GLIS3: variants seen among roughly 807,000 people sequenced by gnomAD.
The protein encoded by GLIS3 is GLIS family zinc finger 3, also known as zinc finger protein GLIS3.
In GLIS3, 53 loss-of-function variants were observed where a neutral mutation model predicts 78.6. That is an observed-to-expected ratio of 0.67 (90% CI 0.54 to 0.85). The LOEUF is 0.85. Ranked by LOEUF, GLIS3 falls within the 40% of genes least tolerant of loss-of-function variation. The pLI is 0.00. For missense variants in GLIS3, 1,703 were observed against 1,231.1 expected (o/e 1.38, Z -5.74); for synonymous variants, 684 against 509.9 (o/e 1.34, Z -4.60).
intron 2 of GLIS3, among the ~76,000 whole-genome samples, chr9:4,314,370 C>T (rs1229078362): frequency 6.6e-6 from 1 of 152,154 alleles, no homozygotes; most frequent in African/African-American, 2.4e-5. Flanking sequence ...TCTCTGTTTC[C>T]TCAGTGTCCT....
chr9:4,470,099 G>C, the GLIS3 span, among the ~76,000 whole-genome samples: 15 of 152,158 alleles, frequency 9.9e-5, no homozygotes, highest in African/African-American at 3.4e-4. Context: ...CTCTGAAATT[G>C]AGGCAATAAT....
In GLIS3 at chr9:4,061,314, T is replaced by C. The variant is rs564945674; in HGVS notation, c.1710+56454A>G. ...CCCACCTATGAGTGAGAACATGCGGTGTTTGGTTTTTTGTCCTTGCCAGAG... is the reference window on the plus strand; with the variant it reads ...CCCACCTATGAGTGAGAACATGCGGCGTTTGGTTTTTTGTCCTTGCCAGAG... On this transcript the variant is annotated intron_variant, in intron 4 of 10. Coordinates refer to ENST00000381971, the MANE Select transcript of GLIS3 (RefSeq NM_001042413.2). Among the ~76,000 whole-genome samples, 5 of 147,802 alleles carry C rather than the reference T, an allele frequency of 3.4e-5. No individual in the cohort carries two copies. The South Asian group carries it at 1.1e-3, about 32-fold the overall frequency.
chr9:4,188,396 GC>G (rs959979250), intron 2 of GLIS3, among the ~76,000 whole-genome samples: 120 of 149,198 alleles, frequency 8.0e-4, no homozygotes, highest in African/African-American at 2.1e-3. Flanking sequence ...GATTTGGTTT[GC>G]CAGTATTTTA....
intron 4 of GLIS3, among the ~76,000 whole-genome samples, chr9:4,085,418 T>A (rs10739030): frequency 0.39 from 59,733 of 151,940 alleles, 12,157 homozygotes; most frequent in Non-Finnish European, 0.45. Context: ...TCTCCTTCTG[T>A]AGTATCTCTC....
At chr9:4,072,130 T>C (rs1160122230) in intron 4 of GLIS3, among the ~76,000 whole-genome samples, 2 of 152,192 alleles carry the variant, frequency 1.3e-5, no homozygotes, top group Non-Finnish European at 2.9e-5. Context: ...CAACCCTTTA[T>C]CCTTTACTTC....
chr9:4,085,117 C>G (rs1446579712), intron 4 of GLIS3, among the ~76,000 whole-genome samples: 3 of 152,036 alleles, frequency 2.0e-5, no homozygotes, highest in Non-Finnish European at 4.4e-5. Context: ...ATAAAAAGCT[C>G]TCTCTCAATC....
At chr9:4,484,859 T>C in the GLIS3 span, among the ~76,000 whole-genome samples, 2 of 152,192 alleles carry the variant, frequency 1.3e-5, no homozygotes, top group Non-Finnish European at 2.9e-5. Context: ...ATTAGGATTA[T>C]GAAGGGAGCC....
rs1831973659 is a variant in GLIS3, at chr9:4,118,936, A to G, written c.597-55T>C. 1 of 1,557,832 alleles carries G rather than the reference A, an allele frequency of 6.4e-7. No homozygotes were observed. Among genetic ancestry groups the G allele is most frequent in the African/African-American group, 1.4e-5 (1 of 73,924 alleles). ...AAAAAGATAAACATTTTAGCAGGAT[A>G]CGGATTGCTTAAGAGCTAAAAGAAC... is the stretch of plus-strand genomic sequence containing the variant. On this transcript the variant is annotated intron_variant, in intron 3 of 10. Transcript: ENST00000381971. The surrounding 1 kb of genome is among the most constrained non-coding windows in gnomAD (Gnocchi z 4.7).
rs753113229 is a variant in GLIS3 at position 4,117,853 on chromosome 9, G to A, written c.1625C>T (p.Pro542Leu). The A allele has an allele frequency of 3.1e-6, 5 of 1,614,008 alleles. No individual in the cohort carries two copies. In the South Asian group the frequency reaches 3.3e-5, roughly 11 times the overall value. ...EDFTCFWAGC[P>L]RRYKPFNARY... is the part of the protein sequence containing the mutation. Reference sequence around the variant, plus strand: ...GGCGTTGAAGGGCTTGTATCTTCGAGGGCAACCGGCCCAGAAGCAAGTGAA... The same window carrying A: ...GGCGTTGAAGGGCTTGTATCTTCGAAGGCAACCGGCCCAGAAGCAAGTGAA... The change falls in exon 4 of 11, where the codon CCT becomes CTT. Residue 542 changes from proline to leucine, a missense_variant. Transcript: ENST00000381971.
chr9:3,941,259 G>A (rs572013377), intron 4 of GLIS3, among the ~76,000 whole-genome samples: 2 of 152,230 alleles, frequency 1.3e-5, no homozygotes, highest in South Asian at 4.1e-4. Context: ...ATCCTAGGAT[G>A]GAAGAGGCAT....
intron 2 of GLIS3, among the ~76,000 whole-genome samples, chr9:4,277,868 G>A (rs1180083491): frequency 6.6e-6 from 1 of 152,196 alleles, no homozygotes; most frequent in East Asian, 1.9e-4. Flanking sequence ...AACTGTTGGA[G>A]CAGGAAGTAG....
intron 2 of GLIS3, among the ~76,000 whole-genome samples, chr9:4,318,150 G>A (rs1041450869): frequency 1.3e-4 from 20 of 152,154 alleles, no homozygotes; most frequent in Admixed American, 1.1e-3. Flanking sequence ...TGGGAGCCAG[G>A]GTCTTGCTGC....
chr9:4,062,703 G>A (rs1217740274), intron 4 of GLIS3, among the ~76,000 whole-genome samples: 10 of 152,116 alleles, frequency 6.6e-5, no homozygotes, highest in Non-Finnish European at 1.0e-4. Context: ...CGAGGCGGGC[G>A]GATCACAAGG....
chr9:4,460,473 T>C, the GLIS3 span, among the ~76,000 whole-genome samples: 1 of 152,250 alleles, frequency 6.6e-6, no homozygotes, highest in African/African-American at 2.4e-5. Context: ...TCCAGCCACA[T>C]TCCTGTGCGC....
At chr9:3,865,995 T>G (rs1820550372) in intron 8 of GLIS3, among the ~76,000 whole-genome samples, 1 of 152,172 alleles carries the variant, frequency 6.6e-6, no homozygotes, top group Non-Finnish European at 1.5e-5. Flanking sequence ...CTGACGTCAG[T>G]GTCTCCTGTC....
At chr9:4,014,513 G>GA (rs1822284030) in intron 4 of GLIS3, among the ~76,000 whole-genome samples, 1 of 152,160 alleles carries the variant, frequency 6.6e-6, no homozygotes, top group Non-Finnish European at 1.5e-5. Flanking sequence ...ATGGCCATGT[G>GA]AAAATGCAGG....
intron 4 of GLIS3, among the ~76,000 whole-genome samples, chr9:4,308,109 G>A (rs1817275450): frequency 6.6e-6 from 1 of 152,100 alleles, no homozygotes; most frequent in South Asian, 2.1e-4. Context: ...CTGGCCACGT[G>A]CATCCCATCC....
intron 2 of GLIS3, among the ~76,000 whole-genome samples, chr9:4,328,636 C>T (rs781699933): frequency 4.6e-5 from 7 of 152,216 alleles, no homozygotes; most frequent in African/African-American, 1.4e-4. Flanking sequence ...GCAAGGAAGT[C>T]GTCCTGAAGC....
the GLIS3 span, among the ~76,000 whole-genome samples, chr9:4,481,108 G>A: frequency 6.6e-6 from 1 of 151,980 alleles, no homozygotes; most frequent in Non-Finnish European, 1.5e-5. Flanking sequence ...CTCCCAAGTG[G>A]GCCTCCCAAA....
Sources: gnomAD v4.1 joint callset for allele counts (sites outside exome capture counted in the v4.1 genomes callset) on GRCh38, gnomAD v4.1.1 for gene constraint, Gnocchi (gnomAD v3.1) non-coding constraint, MANE v1.5 for transcripts, NCBI Gene and HGNC (gene_info 2026-07-23, HGNC 2026-07-21) for gene names.